REV1: variants seen among roughly 807,000 people sequenced by gnomAD.
The protein encoded by REV1 is translesion synthesis protein REV1.
A neutral mutation model predicts 137.4 loss-of-function variants in REV1; 42 were observed. That is an observed-to-expected ratio of 0.31 (90% CI 0.24 to 0.40). The LOEUF (loss-of-function observed/expected upper bound fraction) is 0.40. Among genes scored for constraint, REV1 ranks in the 10% least tolerant of loss-of-function variants. REV1 has a pLI of 1.00. For missense variants in REV1, 1,282 were observed against 1,490.1 expected (o/e 0.86, Z 2.30); for synonymous variants, 524 against 519.2 (o/e 1.01, Z -0.12).
At chr2:99,456,540 A>G (rs1683559353) in intron 3 of REV1, among the ~76,000 whole-genome samples, 1 of 152,200 alleles carries the variant, frequency 6.6e-6, no homozygotes, top group Non-Finnish European at 1.5e-5. Context: ...AGCAGAAGGA[A>G]CTGCAAATTT....
intron 4 of REV1, among the ~76,000 whole-genome samples, chr2:99,447,086 T>C (rs1399751078): frequency 6.6e-6 from 1 of 152,090 alleles, no homozygotes; most frequent in African/African-American, 2.4e-5. Flanking sequence ...ATCAGTGGGA[T>C]GTTATAGGGA....
rs201251300 is a variant in REV1, at chr2:99,426,347, C to CA, written c.1548-2068dup. ...GGGCAACAAGAGCGAAATTCTATCT[C>CA]AAAAAAAAAAAAAAAATGTGTTTAT... On this transcript the variant is annotated intron_variant, in intron 9 of 22. Transcript: ENST00000258428. Among the ~76,000 whole-genome samples the CA allele has an allele frequency of 6.3e-3, 699 of 110,124 alleles. 1 individual carries two copies. Among genetic ancestry groups the CA allele is most frequent in the East Asian group, 9.5e-3 (37 of 3,912 alleles). 72.2% of individuals were successfully genotyped at this position (110,124 alleles called of 152,430 possible).
intron 19 of REV1, 50 bp downstream of exon 19, chr2:99,403,645 T>A: frequency 1.2e-6 from 2 of 1,613,144 alleles, no homozygotes; most frequent in Non-Finnish European, 1.7e-6. Context: ...CAACAGTGAC[T>A]CCATTACTCT....
chr2:99,459,012 T>C (rs933774590), intron 3 of REV1, among the ~76,000 whole-genome samples: 2 of 152,054 alleles, frequency 1.3e-5, no homozygotes. Context: ...ATCAAGACCA[T>C]ACTGGCTAAC....
At chr2:99,475,887 G>C (rs78573944) in intron 1 of REV1, among the ~76,000 whole-genome samples, 16,971 of 152,256 alleles carry the variant, frequency 0.11, 1,248 homozygotes, top group East Asian at 0.27. Context: ...CGGAGGCTGA[G>C]GCAGAGAACT....
At chr2:99,441,496 T>A (rs1197504246) in intron 5 of REV1, among the ~76,000 whole-genome samples, 1 of 151,738 alleles carries the variant, frequency 6.6e-6, no homozygotes, top group African/African-American at 2.4e-5. Flanking sequence ...CATGGAATAG[T>A]CTAGATTCAC....
intron 9 of REV1, chr2:99,424,531 T>C: frequency 2.1e-6 from 1 of 469,864 alleles, no homozygotes; most frequent in African/African-American, 2.0e-5. Context: ...TTGGCTCTTG[T>C]ATCTGAAGCT....
chr2:99,401,154 T>TC lies in REV1; in HGVS notation c.*86dup. On this transcript the variant is annotated 3_prime_UTR_variant, in exon 23 of 23. Transcript: ENST00000258428. ...AAAAGAAATTTAAAATTATAAAAAC[T>TC]CCGAGCATTACTATCATGCACTTTG... 2.8e-6 allele frequency: 2 copies of TC among 711,910 alleles called. No homozygotes were observed. Among genetic ancestry groups the TC allele is most frequent in the Non-Finnish European group, 4.6e-6 (2 of 431,250 alleles). 44.1% of individuals were successfully genotyped at this position (711,910 alleles called of 1,614,324 possible). A position where few individuals can be genotyped will look rare whatever the true frequency, so the allele number is the denominator to read the frequency against.
At chr2:99,418,112 T>C (rs191855469) in intron 12 of REV1, among the ~76,000 whole-genome samples, 1 of 152,360 alleles carries the variant, frequency 6.6e-6, no homozygotes, top group Non-Finnish European at 1.5e-5. Flanking sequence ...ATACTTTTAT[T>C]AGGCTTAAAA....
At chr2:99,457,061 TC>T (rs750448477) in intron 3 of REV1, among the ~76,000 whole-genome samples, 1 of 152,188 alleles carries the variant, frequency 6.6e-6, no homozygotes, top group Non-Finnish European at 1.5e-5. Flanking sequence ...AAGTATTCAC[TC>T]CCACTCCCAA....
intron 15 of REV1, among the ~76,000 whole-genome samples, chr2:99,407,117 C>T: frequency 1.5e-5 from 1 of 64,648 alleles, no homozygotes; most frequent in Non-Finnish European, 3.1e-5. Flanking sequence ...TGAGACAGAG[C>T]CTCACTGTGT....
At chr2:99,403,353 G>A (rs1675773571) in intron 19 of REV1, 1 of 566,024 alleles carries the variant, frequency 1.8e-6, no homozygotes, top group Non-Finnish European at 3.1e-6. Flanking sequence ...AGTACTAAAT[G>A]TGGGTTTGAT....
intron 2 of REV1, chr2:99,462,843 T>C (rs1684377946): frequency 1.5e-5 from 6 of 390,950 alleles, no homozygotes; most frequent in South Asian, 4.6e-5. Context: ...ATCCCAGCAC[T>C]TTGGGAAGCT....
intron 11 of REV1, 79 bp from the exon 12 acceptor site, chr2:99,419,026 T>A: frequency 8.7e-7 from 1 of 1,148,244 alleles, no homozygotes; most frequent in African/African-American, 1.6e-5. Flanking sequence ...TCATACAGGT[T>A]ATCCATCAAG....
At chr2:99,449,817 C>T (rs1168475086) in intron 3 of REV1, among the ~76,000 whole-genome samples, 1 of 152,140 alleles carries the variant, frequency 6.6e-6, no homozygotes, top group African/African-American at 2.4e-5. Context: ...ACATTTTTTA[C>T]TATACTTAGC....
At chr2:99,484,102 T>C (rs1437489556) in intron 1 of REV1, among the ~76,000 whole-genome samples, 4 of 152,210 alleles carry the variant, frequency 2.6e-5, no homozygotes, top group African/African-American at 9.7e-5. Context: ...TAGGCTATTA[T>C]CCTTAGCAAA....
At chr2:99,407,468 C>G (rs913184449) in intron 15 of REV1, among the ~76,000 whole-genome samples, 7 of 151,642 alleles carry the variant, frequency 4.6e-5, no homozygotes, top group African/African-American at 1.7e-4. Context: ...AGGAGAATTG[C>G]TTGAACCCAG....
intron 13 of REV1, among the ~76,000 whole-genome samples, chr2:99,411,889 C>T (rs1677206428): frequency 6.6e-6 from 1 of 152,040 alleles, no homozygotes; most frequent in Non-Finnish European, 1.5e-5. Flanking sequence ...GGGTAATTAA[C>T]TCATCACATT....
chr2:99,438,152 C>G (rs1179672619), intron 6 of REV1, among the ~76,000 whole-genome samples: 2 of 152,210 alleles, frequency 1.3e-5, no homozygotes, highest in East Asian at 1.9e-4. Flanking sequence ...GTGAAATAAT[C>G]TCACTGAAAG....
Sources: gnomAD v4.1 joint callset for allele counts (sites outside exome capture counted in the v4.1 genomes callset) on GRCh38, gnomAD v4.1.1 for gene constraint, MANE v1.5 for transcripts, NCBI Gene and HGNC (gene_info 2026-07-23, HGNC 2026-07-21) for gene names.